Variants in BCR observed in about 807,000 individuals in gnomAD.
The protein encoded by BCR is BCR activator of RhoGEF and GTPase, also known as breakpoint cluster region protein.
In BCR, 58 loss-of-function variants were observed where a neutral mutation model predicts 138.6. The ratio of observed to expected loss-of-function variants is 0.42; its 90% CI spans 0.34 to 0.52. The LOEUF (loss-of-function observed/expected upper bound fraction) is 0.52. BCR is among the 20% of genes least tolerant of loss of function. The pLI, the probability that BCR is intolerant of heterozygous loss-of-function variation, is 0.06. For missense variants in BCR, 1,599 were observed against 1,727.2 expected (o/e 0.93, Z 1.32); for synonymous variants, 786 against 730.1 (o/e 1.08, Z -1.23).
chr22:23,264,060 A>G (rs2073406004), intron 4 of BCR: 1 of 1,104,168 alleles, frequency 9.1e-7, no homozygotes, highest in Non-Finnish European at 1.4e-6. Context: ...TGGCTATGAC[A>G]CCTATGTTCG....
chr22:23,275,845 G>C (rs1038112003), intron 8 of BCR, among the ~76,000 whole-genome samples: 1 of 152,168 alleles, frequency 6.6e-6, no homozygotes, highest in Non-Finnish European at 1.5e-5. Context: ...GAGTGTGGGC[G>C]TCCTTTTTCC....
chr22:23,308,297 G>GT (rs979063273), intron 16 of BCR, among the ~76,000 whole-genome samples: 7 of 151,798 alleles, frequency 4.6e-5, no homozygotes, highest in Non-Finnish European at 7.4e-5. Flanking sequence ...CCAGGGAGGT[G>GT]TTTTTTTTGT....
chr22:23,181,102 G>C lies in BCR; in HGVS notation c.142G>C (p.Glu48Gln). The stretch of plus-strand genomic sequence containing the variant: ...GGCCTCCATTCGGCGCCTGGAGCAG[G>C]AGGTGAACCAGGAGCGCTTCCGCAT... ...CKASIRRLEQ[E>Q]VNQERFRMIY... The change falls in exon 1 of 23, where the codon GAG becomes CAG. Residue 48 changes from glutamate to glutamine, a missense_variant. Physicochemically the swap from Glu to Gln is conservative, Grantham distance 29. Around this residue, in one of 4 missense-constraint regions of BCR, gnomAD observed 806 missense variants for 635.0 expected, o/e 1.27. Coordinates refer to ENST00000305877, the MANE Select transcript of BCR (RefSeq NM_004327.4). The C allele has an allele frequency of 6.6e-7, 1 of 1,510,206 alleles. No homozygotes were observed. 93.6% of individuals were successfully genotyped at this position (1,510,206 alleles called of 1,614,324 possible).
In BCR at chr22:23,204,800, G is replaced by A. The variant is rs181316120; in HGVS notation, c.1279+22561G>A. Among the ~76,000 whole-genome samples, 110 of 152,328 alleles carry A rather than the reference G, an allele frequency of 7.2e-4. 1 individual carries two copies. The highest frequency in any genetic ancestry group is 6.8e-3 in the Middle Eastern group (2 of 294). ...GGCAGCGGGAGGCCCTGCCGTCCGCGTGGATGGGGGAGACGGCAGCATGGG... is the reference window on the plus strand; with the variant it reads ...GGCAGCGGGAGGCCCTGCCGTCCGCATGGATGGGGGAGACGGCAGCATGGG... On this transcript the variant is annotated intron_variant, in intron 1 of 22. Transcript: ENST00000305877.
chr22:23,188,005 G>C (rs1054245076), intron 1 of BCR, among the ~76,000 whole-genome samples: 6 of 152,172 alleles, frequency 3.9e-5, no homozygotes, highest in African/African-American at 1.4e-4. Flanking sequence ...TTTTTCCCTT[G>C]GGTGATGGGC....
At chr22:23,191,379 A>G (rs192774723) in intron 1 of BCR, among the ~76,000 whole-genome samples, 1 of 152,384 alleles carries the variant, frequency 6.6e-6, no homozygotes, top group Admixed American at 6.5e-5. Context: ...GCCTGGCACT[A>G]TCTTCATGGA....
intron 15 of BCR, among the ~76,000 whole-genome samples, chr22:23,293,420 C>T (rs573522418): frequency 6.6e-6 from 1 of 152,296 alleles, no homozygotes; most frequent in South Asian, 2.1e-4. Flanking sequence ...GGTCTCCTTT[C>T]TCAGCATCCA....
chr22:23,242,880 G>C (rs1275324475), intron 1 of BCR: 1 of 455,682 alleles, frequency 2.2e-6, no homozygotes, highest in Non-Finnish European at 4.4e-6. Flanking sequence ...GGAGGCTCTA[G>C]GGGAGGATCC....
At chr22:23,199,968 G>C (rs927110453) in intron 1 of BCR, among the ~76,000 whole-genome samples, 1 of 151,856 alleles carries the variant, frequency 6.6e-6, no homozygotes, top group Non-Finnish European at 1.5e-5. Flanking sequence ...GGCGCCTGTA[G>C]TCCCAGCCAC....
intron 16 of BCR, among the ~76,000 whole-genome samples, chr22:23,303,117 A>G (rs1227263764): frequency 3.9e-5 from 6 of 151,996 alleles, no homozygotes; most frequent in Non-Finnish European, 2.9e-5. Context: ...CTTTGTGCCA[A>G]TATGTATTTT....
chr22:23,194,936 A>G (rs1016001371), intron 1 of BCR, among the ~76,000 whole-genome samples: 7 of 152,130 alleles, frequency 4.6e-5, no homozygotes, highest in African/African-American at 1.7e-4. Context: ...CAGAGCAAGC[A>G]AGACCCTATC....
At chr22:23,243,007 C>T in intron 1 of BCR, 1 of 381,570 alleles carries the variant, frequency 2.6e-6, no homozygotes, top group Non-Finnish European at 5.3e-6. Context: ...TCTTCTGTCT[C>T]TTTAAAGATA....
chr22:23,200,306 T>A (rs1346115575), intron 1 of BCR, among the ~76,000 whole-genome samples: 1 of 152,074 alleles, frequency 6.6e-6, no homozygotes, highest in Non-Finnish European at 1.5e-5. Context: ...GGTTTGAAGC[T>A]CAAAGCGGGC....
intron 1 of BCR, among the ~76,000 whole-genome samples, chr22:23,207,867 C>T (rs1477156170): frequency 6.6e-6 from 1 of 152,128 alleles, no homozygotes; most frequent in Non-Finnish European, 1.5e-5. Context: ...ATGGAGTGAG[C>T]ATGGAGTGTG....
At chr22:23,283,701 C>T (rs2073676492) in intron 8 of BCR, 2 of 383,478 alleles carry the variant, frequency 5.2e-6, no homozygotes, top group Non-Finnish European at 9.3e-6. Flanking sequence ...CCCTCTCCCC[C>T]ATCCTCCCAC....
In BCR at chr22:23,180,596, C is replaced by G; in HGVS notation, c.-365C>G. On this transcript the variant is annotated 5_prime_UTR_variant, in exon 1 of 23. Coordinates refer to ENST00000305877, the MANE Select transcript of BCR (RefSeq NM_004327.4). ...GGCGGCGGCGGCGGCGGCGGCACGGCGGCGGCGGGGCTGTGGGGCGGTGCG... is the reference window on the plus strand; with the variant it reads ...GGCGGCGGCGGCGGCGGCGGCACGGGGGCGGCGGGGCTGTGGGGCGGTGCG... The G allele has an allele frequency of 6.2e-6, 1 of 161,192 alleles. No individual in the cohort carries two copies. The highest frequency in any genetic ancestry group is 1.2e-5 in the Non-Finnish European group (1 of 82,544). 10.0% of individuals were successfully genotyped at this position (161,192 alleles called of 1,614,324 possible). A position where few individuals can be genotyped will look rare whatever the true frequency, so the allele number is the denominator to read the frequency against.
intron 1 of BCR, among the ~76,000 whole-genome samples, chr22:23,213,209 A>G (rs1276860426): frequency 6.6e-6 from 1 of 152,178 alleles, no homozygotes. Flanking sequence ...ACAGACAATC[A>G]TGGCCCTGAG....
At chr22:23,221,290 G>T (rs1042429044) in intron 1 of BCR, among the ~76,000 whole-genome samples, 1 of 152,174 alleles carries the variant, frequency 6.6e-6, no homozygotes, top group Non-Finnish European at 1.5e-5. Context: ...AGGGAGAGTG[G>T]AGTCACCTTT....
At position 23,199,244 on chromosome 22, in the gene BCR, T is replaced by G. The variant is rs538215049; in HGVS notation, c.1279+17005T>G. The G allele has an allele frequency of 2.5e-5, 13 of 517,496 alleles. No homozygotes were observed. The East Asian group carries it at 3.8e-4, about 15-fold the overall frequency. 32.1% of individuals were successfully genotyped at this position (517,496 alleles called of 1,614,324 possible). Reference sequence around the variant, plus strand: ...TGGTGTGAGTGGCTCCAGAAGACTCTTCTCTTCTCTGTGCAAGAGCCAGGA... The same window carrying G: ...TGGTGTGAGTGGCTCCAGAAGACTCGTCTCTTCTCTGTGCAAGAGCCAGGA... On this transcript the variant is annotated intron_variant, in intron 1 of 22. Transcript: ENST00000305877.
Sources: gnomAD v4.1 joint callset for allele counts (sites outside exome capture counted in the v4.1 genomes callset) on GRCh38, gnomAD v4.1.1 for gene constraint, gnomAD v4.1.1 regional missense constraint, MANE v1.5 for transcripts, NCBI Gene and HGNC (gene_info 2026-07-23, HGNC 2026-07-21) for gene names.